Variants in ANKRD10 observed in about 807,000 individuals in gnomAD.
ANKRD10 encodes the protein ankyrin repeat domain 10.
A neutral mutation model predicts 27.0 loss-of-function variants in ANKRD10; 14 were observed. That is an observed-to-expected ratio of 0.52 (90% CI 0.34 to 0.81). ANKRD10 has a LOEUF of 0.81. Among genes scored for constraint, ANKRD10 ranks in the 40% least tolerant of loss-of-function variants. ANKRD10 has a pLI of 0.01. For synonymous variants in ANKRD10, 250 were observed against 224.5 expected (o/e 1.11, Z -1.01); for missense variants, 493 against 544.0 (o/e 0.91, Z 0.93).
intron 3 of ANKRD10, among the ~76,000 whole-genome samples, chr13:110,897,063 A>G (rs1234675846): frequency 6.6e-6 from 1 of 152,188 alleles, no homozygotes; most frequent in Non-Finnish European, 1.5e-5. Context: ...TACAAAAAAA[A>G]TAAAAAATTA....
chr13:110,898,481 C>T (rs2065288330), intron 3 of ANKRD10, among the ~76,000 whole-genome samples: 1 of 152,160 alleles, frequency 6.6e-6, no homozygotes. Flanking sequence ...TCTGTGTTTC[C>T]ATCCACACTC....
chr13:110,897,489 T>C (rs575940767), intron 3 of ANKRD10, among the ~76,000 whole-genome samples: 3 of 152,122 alleles, frequency 2.0e-5, no homozygotes, highest in Admixed American at 1.3e-4. Context: ...GTGCCTGGCT[T>C]ACTTAACATA....
intron 3 of ANKRD10, among the ~76,000 whole-genome samples, chr13:110,897,112 T>C (rs886648445): frequency 3.3e-5 from 5 of 152,058 alleles, no homozygotes; most frequent in African/African-American, 1.2e-4. Context: ...CACTAGAATT[T>C]ATCTTTCCAT....
At chr13:110,913,700 T>G (rs1485517357) in intron 1 of ANKRD10, among the ~76,000 whole-genome samples, 1 of 152,192 alleles carries the variant, frequency 6.6e-6, no homozygotes, top group African/African-American at 2.4e-5. Context: ...GTAACTTATT[T>G]CACATTACCT....
intron 3 of ANKRD10, 124 bp downstream of exon 3, chr13:110,905,909 G>A (rs774175256): frequency 8.9e-6 from 8 of 894,310 alleles, no homozygotes; most frequent in Non-Finnish European, 1.3e-5. Context: ...TGTTCTAAAA[G>A]GCAAAATTAC....
chr13:110,914,891 G>A lies in ANKRD10; in HGVS notation c.44C>T (p.Ser15Phe). The change falls in exon 1 of 6, where the codon TCC (serine) becomes TTC (phenylalanine). Residue 15 changes from serine (S) to phenylalanine (F), a missense_variant. Transcript: ENST00000267339. ...ACGGAGCGAGAGCAGCTCCTCGCTG[G>A]AGAAGCCCGCCTCTACGCCCGCGCC... ...GAGAGVEAGFSSEELLSLRFP... is the reference protein window; with the variant it reads ...GAGAGVEAGFFSEELLSLRFP... 1 of 1,540,310 alleles carries A rather than the reference G, an allele frequency of 6.5e-7. No homozygotes were observed. Among genetic ancestry groups the A allele is most frequent in the Non-Finnish European group, 8.7e-7 (1 of 1,146,836 alleles).
intron 3 of ANKRD10, among the ~76,000 whole-genome samples, chr13:110,902,542 A>T (rs1026079039): frequency 1.3e-5 from 2 of 152,230 alleles, no homozygotes; most frequent in Non-Finnish European, 2.9e-5. Context: ...ACTAGGCAAG[A>T]GAGACTTTTC....
At chr13:110,895,156 A>G (rs1453740201) in intron 3 of ANKRD10, 1 of 152,256 alleles carries the variant, frequency 6.6e-6, no homozygotes, top group Non-Finnish European at 1.5e-5. Flanking sequence ...AAATCAAGAA[A>G]CAGAGAAATG....
chr13:110,910,495 G>A (rs953414280), intron 2 of ANKRD10, 123 bp downstream of exon 2: 5 of 1,241,072 alleles, frequency 4.0e-6, no homozygotes, highest in Non-Finnish European at 5.7e-6. Context: ...ATAAATTCCA[G>A]TCTGCCCTCA....
At chr13:110,894,088 G>A (rs1566465022) in intron 3 of ANKRD10, 2 of 1,519,932 alleles carry the variant, frequency 1.3e-6, no homozygotes, top group South Asian at 2.3e-5. Flanking sequence ...GAATAAAATA[G>A]AGTAAGTTGA....
intron 3 of ANKRD10, 43 bp from the exon 4 acceptor site, chr13:110,893,306 T>C: frequency 1.3e-6 from 2 of 1,585,764 alleles, no homozygotes; most frequent in Non-Finnish European, 1.7e-6. Context: ...ATCCGCGTGC[T>C]AACCTGGTCT....
intron 5 of ANKRD10, among the ~76,000 whole-genome samples, chr13:110,881,487 C>T (rs1013705734): frequency 6.6e-6 from 1 of 151,738 alleles, no homozygotes; most frequent in African/African-American, 2.4e-5. Flanking sequence ...ATTTAAGCAA[C>T]ATAGTTTAAT....
chr13:110,890,592 T>G (rs887784582), intron 4 of ANKRD10, among the ~76,000 whole-genome samples: 11 of 152,250 alleles, frequency 7.2e-5, no homozygotes, highest in Non-Finnish European at 1.6e-4. Context: ...TGAGCAGCTT[T>G]GAAGTAATGT....
In ANKRD10 at chr13:110,910,501, C is replaced by G. The variant is rs138360928; in HGVS notation, c.363+117G>C. 1.4e-3 allele frequency: 1,847 copies of G among 1,292,104 alleles called. 7 individuals are homozygous for G. Among genetic ancestry groups the G allele is most frequent in the East Asian group, 0.01 (435 of 43,030 alleles). The allele number at this position is 1,292,104 out of a possible 1,614,324, so 80.0% of individuals were successfully genotyped here. A position where few individuals can be genotyped will look rare whatever the true frequency, so the allele number is the denominator to read the frequency against. On this transcript the variant is annotated intron_variant, in intron 2 of 5. Transcript: ENST00000267339. ...TGAAGAAACATAAATTCCAGTCTGC[C>G]CTCAGGTAAAGATATCAAACTCTAA...
chr13:110,914,682 T>C (rs762861918), intron 1 of ANKRD10, 43 bp downstream of exon 1: 2 of 1,529,160 alleles, frequency 1.3e-6, no homozygotes, highest in East Asian at 2.5e-5. Flanking sequence ...CGACTCCCAC[T>C]GGACAGCCGG....
intron 4 of ANKRD10, among the ~76,000 whole-genome samples, chr13:110,892,436 A>AAAAAAAAAT (rs1555321016): frequency 4.2e-5 from 6 of 144,470 alleles, no homozygotes; most frequent in Non-Finnish European, 6.1e-5. Flanking sequence ...AAAAAAAAAA[A>AAAAAAAAAT]TGGTGGGAGA....
At chr13:110,894,409 A>AAAAAAAAAAC (rs2065168092) in intron 3 of ANKRD10, 1 of 260,736 alleles carries the variant, frequency 3.8e-6, no homozygotes, top group South Asian at 1.4e-4. Context: ...AATGCAAAAA[A>AAAAAAAAAAC]AAAAAAAAAA....
chr13:110,904,803 G>C (rs1198978102), intron 3 of ANKRD10, among the ~76,000 whole-genome samples: 1 of 152,136 alleles, frequency 6.6e-6, no homozygotes, highest in Non-Finnish European at 1.5e-5. Flanking sequence ...AGTAAACAGA[G>C]GCCATGTTTA....
At chr13:110,887,578 G>T (rs9521975) in intron 4 of ANKRD10, among the ~76,000 whole-genome samples, 1 of 152,058 alleles carries the variant, frequency 6.6e-6, no homozygotes, top group South Asian at 2.1e-4. Context: ...TTTGGGATAT[G>T]AAGTGCTCCA....
Sources: gnomAD v4.1 joint callset for allele counts (sites outside exome capture counted in the v4.1 genomes callset) on GRCh38, gnomAD v4.1.1 for gene constraint, MANE v1.5 for transcripts, NCBI Gene and HGNC (gene_info 2026-07-23, HGNC 2026-07-21) for gene names.